FAM13A: variants seen among roughly 807,000 people sequenced by gnomAD.
The protein encoded by FAM13A is family with sequence similarity 13 member A.
A neutral mutation model predicts 129.6 loss-of-function variants in FAM13A; 76 were observed. That is an observed-to-expected ratio of 0.59 (90% CI 0.49 to 0.71). The LOEUF (loss-of-function observed/expected upper bound fraction) is 0.71, where lower values mean the gene tolerates loss of function less well. Among genes scored for constraint, FAM13A ranks in the 30% least tolerant of loss-of-function variants. The pLI, the probability that FAM13A is intolerant of heterozygous loss-of-function variation, is 0.00. For missense variants in FAM13A, 1,108 were observed against 1,249.3 expected (o/e 0.89, Z 1.70); for synonymous variants, 443 against 449.9 (o/e 0.98, Z 0.20).
chr4:89,054,624 A>C (rs1438234449), intron 1 of FAM13A, among the ~76,000 whole-genome samples: 1 of 152,258 alleles, frequency 6.6e-6, no homozygotes, highest in East Asian at 1.9e-4. Flanking sequence ...TTATCTGATT[A>C]AGGAAGCTTC....
At chr4:88,920,271 C>A (rs1750827391) in intron 5 of FAM13A, among the ~76,000 whole-genome samples, 1 of 152,174 alleles carries the variant, frequency 6.6e-6, no homozygotes, top group Admixed American at 6.5e-5. Context: ...GACCCCTGAC[C>A]CCCGAGCAGC....
intron 1 of FAM13A, among the ~76,000 whole-genome samples, chr4:89,056,259 A>G (rs1007981892): frequency 3.3e-5 from 5 of 152,194 alleles, no homozygotes; most frequent in Admixed American, 1.3e-4. Context: ...TTTGATTATT[A>G]CAAAAGGTTT....
intron 15 of FAM13A, among the ~76,000 whole-genome samples, 181 bp from the exon 16 acceptor site, chr4:88,750,090 C>G (rs564868479): frequency 9.9e-4 from 150 of 152,250 alleles, no homozygotes; most frequent in Non-Finnish European, 1.7e-3. Context: ...CTTGGTATGT[C>G]CCACCTATTA....
intron 3 of FAM13A, among the ~76,000 whole-genome samples, chr4:89,013,123 C>T (rs1194467388): frequency 1.3e-5 from 2 of 151,906 alleles, no homozygotes; most frequent in African/African-American, 4.8e-5. Flanking sequence ...TTTTACCATC[C>T]CCGGCTTCAG....
chr4:88,994,851 A>T (rs576375020), intron 3 of FAM13A, among the ~76,000 whole-genome samples: 2 of 125,280 alleles, frequency 1.6e-5, no homozygotes, highest in South Asian at 2.6e-4. Context: ...AAAAAAAAAA[A>T]TTTCCTAATA....
intron 4 of FAM13A, among the ~76,000 whole-genome samples, chr4:88,984,998 C>G (rs998115003): frequency 6.6e-6 from 1 of 152,140 alleles, no homozygotes; most frequent in South Asian, 2.1e-4. Flanking sequence ...ATGTTCACAG[C>G]AGCATCATTC....
intron 4 of FAM13A, among the ~76,000 whole-genome samples, chr4:88,949,539 C>T (rs535917392): frequency 4.6e-4 from 70 of 152,142 alleles, no homozygotes; most frequent in Non-Finnish European, 7.2e-4. Flanking sequence ...AATTTGTACT[C>T]TCCTGTCTCT....
chr4:88,971,257 A>G (rs1184340545), intron 4 of FAM13A, among the ~76,000 whole-genome samples: 1 of 152,154 alleles, frequency 6.6e-6, no homozygotes, highest in East Asian at 1.9e-4. Context: ...CATCAAAGGG[A>G]AAATTTAGTT....
intron 5 of FAM13A, among the ~76,000 whole-genome samples, chr4:88,912,966 G>A (rs1339171889): frequency 1.3e-5 from 2 of 151,796 alleles, no homozygotes. Context: ...GGGTGACAGA[G>A]CAAGACAGAA....
At chr4:88,947,261 C>G (rs1440803775) in intron 4 of FAM13A, among the ~76,000 whole-genome samples, 3 of 151,988 alleles carry the variant, frequency 2.0e-5, no homozygotes, top group Non-Finnish European at 4.4e-5. Flanking sequence ...AATATAAAAA[C>G]TTAGTCGGGC....
chr4:88,862,013 TTTTTAA>T (rs2150036179), intron 6 of FAM13A, among the ~76,000 whole-genome samples: 1 of 152,310 alleles, frequency 6.6e-6, no homozygotes, highest in Admixed American at 6.5e-5. Context: ...GTCTCTCATA[TTTTTAA>T]AAACATTCAA....
chr4:88,835,019 C>T (rs1477615978), intron 7 of FAM13A, among the ~76,000 whole-genome samples: 2 of 152,014 alleles, frequency 1.3e-5, no homozygotes, highest in Non-Finnish European at 2.9e-5. Flanking sequence ...TCAGATTGTA[C>T]AGAATTGATC....
chr4:89,017,312 C>T (rs186876072), intron 3 of FAM13A, among the ~76,000 whole-genome samples: 32 of 152,084 alleles, frequency 2.1e-4, no homozygotes, highest in Admixed American at 9.2e-4. Context: ...CTGTGCATAA[C>T]CTCACATAAC....
intron 1 of FAM13A, among the ~76,000 whole-genome samples, chr4:89,040,598 T>C (rs751552741): frequency 2.6e-5 from 4 of 152,178 alleles, no homozygotes; most frequent in Non-Finnish European, 4.4e-5. Context: ...TTAGGGAACT[T>C]GAGTTTGAAT....
At chr4:88,806,309 C>T (rs1195752818) in intron 7 of FAM13A, among the ~76,000 whole-genome samples, 1 of 152,148 alleles carries the variant, frequency 6.6e-6, no homozygotes, top group Non-Finnish European at 1.5e-5. Flanking sequence ...CTGGGGTGTA[C>T]ACCACCTTAC....
At chr4:88,999,266 T>C (rs1302353982) in intron 3 of FAM13A, among the ~76,000 whole-genome samples, 1 of 152,200 alleles carries the variant, frequency 6.6e-6, no homozygotes, top group East Asian at 1.9e-4. Flanking sequence ...TACTGAATGC[T>C]TGTCAGTCGG....
At chr4:89,033,322 A>C (rs1378628987) in intron 1 of FAM13A, among the ~76,000 whole-genome samples, 1 of 152,232 alleles carries the variant, frequency 6.6e-6, no homozygotes, top group African/African-American at 2.4e-5. Context: ...GGCTTCACTC[A>C]TTAAATCCTA....
intron 4 of FAM13A, among the ~76,000 whole-genome samples, chr4:88,971,992 C>T (rs1380087053): frequency 6.6e-6 from 1 of 152,084 alleles, no homozygotes; most frequent in African/African-American, 2.4e-5. Flanking sequence ...TTCTTTGCTG[C>T]TTGTATCATT....
chr4:88,853,112 G>T (rs1331001432), intron 6 of FAM13A, among the ~76,000 whole-genome samples: 4 of 152,048 alleles, frequency 2.6e-5, no homozygotes, highest in Admixed American at 1.3e-4. Context: ...ACATTTCTTT[G>T]CAGAGCATTC....
Sources: gnomAD v4.1 joint callset for allele counts (sites outside exome capture counted in the v4.1 genomes callset) on GRCh38, gnomAD v4.1.1 for gene constraint, MANE v1.5 for transcripts, NCBI Gene and HGNC (gene_info 2026-07-23, HGNC 2026-07-21) for gene names.